Variants in RBL2 observed in about 807,000 individuals in gnomAD.
The protein encoded by RBL2 is retinoblastoma-like protein 2.
A neutral mutation model predicts 126.0 loss-of-function variants in RBL2; 56 were observed. That is an observed-to-expected ratio of 0.44 (90% confidence interval 0.36 to 0.56). RBL2 has a LOEUF of 0.56. Ranked by LOEUF, RBL2 falls within the 20% of genes least tolerant of loss-of-function variation. RBL2 has a pLI of 0.00. For synonymous variants in RBL2, 454 were observed against 478.5 expected, an observed-to-expected ratio of 0.95 and a Z score of 0.67; for missense variants, 1,229 against 1,398.2, an observed-to-expected ratio of 0.88 and a Z score of 1.93.
At chr16:53,446,027 A>G (rs527561285) in intron 3 of RBL2, 2 of 152,328 alleles carry the variant, frequency 1.3e-5, no homozygotes, top group Admixed American at 6.5e-5. Flanking sequence ...TGTGTAGAGG[A>G]AACAAGAAAA....
At chr16:53,488,311 T>C (rs748319768) in intron 21 of RBL2, 1 of 152,252 alleles carries the variant, frequency 6.6e-6, no homozygotes, top group South Asian at 2.1e-4. Context: ...AGGCTACTTA[T>C]GATTCCATTT....
intron 21 of RBL2, among the ~76,000 whole-genome samples, chr16:53,485,639 G>A (rs898425823): frequency 4.6e-5 from 7 of 151,532 alleles, no homozygotes; most frequent in Non-Finnish European, 1.0e-4. Flanking sequence ...TGGACTGCCT[G>A]AGCTCAGGAG....
rs183902736 is a variant in RBL2, at chr16:53,456,119, T to G, written c.1179+1277T>G. On this transcript the variant is annotated intron_variant, in intron 8 of 21. Transcript: ENST00000262133. ...TGAGCCCAGGAGTTCCAGGCTGCAG[T>G]GAGCCGTGATCGCGTCACTGCCCTC... 3.5e-3 allele frequency among the ~76,000 whole-genome samples: 526 copies of G among 152,054 alleles called. 1 individual carries two copies. The highest frequency in any genetic ancestry group is 0.012 in the African/African-American group (478 of 41,442).
chr16:53,456,191 G>A (rs370755850), intron 8 of RBL2, among the ~76,000 whole-genome samples: 4 of 98,530 alleles, frequency 4.1e-5, no homozygotes, highest in East Asian at 2.2e-4. Context: ...AAAAAGAAAA[G>A]AAGAAGAAAA....
Sources: allele counts gnomAD v4.1 joint callset (sites outside exome capture counted in the v4.1 genomes callset), GRCh38; gene constraint gnomAD v4.1.1; transcripts MANE v1.5; gene names NCBI Gene and HGNC (gene_info 2026-07-23, HGNC 2026-07-21).